The following PDPK1 variants were observed in gnomAD, a reference collection of about 807,000 sequenced individuals.
PDPK1 encodes the protein 3-phosphoinositide dependent protein kinase 1.
PDPK1 carries 7 observed loss-of-function variants against 39.8 expected under a neutral mutation model. The observed-to-expected ratio is 0.18, with a 90% confidence interval of 0.10 to 0.33. PDPK1 has a LOEUF of 0.33. Among genes scored for constraint, PDPK1 ranks in the 10% least tolerant of loss-of-function variants. The pLI is 1.00. For synonymous variants in PDPK1, 118 were observed against 159.1 expected, an observed-to-expected ratio of 0.74 and a Z score of 1.95; for missense variants, 182 against 384.7, an observed-to-expected ratio of 0.47 and a Z score of 4.41.
chr16:2,540,081 G>C (rs2066216973), intron 1 of PDPK1, among the ~76,000 whole-genome samples: 1 of 152,232 alleles, frequency 6.6e-6, no homozygotes, highest in South Asian at 2.1e-4. Context: ...CGTGTTTCCT[G>C]TCTGTAATGG....
rs1000232434 is a variant in PDPK1 at position 2,601,522 on chromosome 16, C to G, written c.*3755C>G. The G allele has an allele frequency of 4.3e-6, 1 of 234,302 alleles. No homozygotes were observed. Among genetic ancestry groups the G allele is most frequent in the Non-Finnish European group, 8.5e-6 (1 of 117,828 alleles). The allele number at this position is 234,302 out of a possible 1,614,324, so 14.5% of individuals were successfully genotyped here. A position where few individuals can be genotyped will look rare whatever the true frequency, so the allele number is the denominator to read the frequency against. On this transcript the variant is annotated 3_prime_UTR_variant, in exon 14 of 14. Transcript: ENST00000342085. ...ACTGAATTTGCATCTGCACAGTCAG[C>G]AGAGATAACAAGTGTTGAACTGACC... is the stretch of plus-strand genomic sequence containing the variant.
Position 2,602,074 on chromosome 16 carries a change from G to T in PDPK1, c.*4307G>T. On this transcript the variant is annotated 3_prime_UTR_variant, in exon 14 of 14. Coordinates refer to ENST00000342085, the MANE Select transcript of PDPK1 (RefSeq NM_002613.5). ...CTGGCTGGTTGACAGACCCGGGGTGGTCACTGCTGAGACTTCAGAGATCGC... is the reference window on the plus strand; with the variant it reads ...CTGGCTGGTTGACAGACCCGGGGTGTTCACTGCTGAGACTTCAGAGATCGC... The T allele has an allele frequency of 4.3e-6, 1 of 234,440 alleles. No individual in the cohort carries two copies. The highest frequency in any genetic ancestry group is 5.6e-5 in the Admixed American group (1 of 17,786). The allele number at this position is 234,440 out of a possible 1,614,324, so 14.5% of individuals were successfully genotyped here.
chr16:2,597,684 G>C lies in PDPK1; in HGVS notation c.1588G>C (p.Gly530Arg). The C allele has an allele frequency of 6.2e-7, 1 of 1,613,904 alleles. No individual in the cohort carries two copies. The highest frequency in any genetic ancestry group is 8.5e-7 in the Non-Finnish European group (1 of 1,179,936). Residue 530 changes from glycine (G) to arginine (R), a missense_variant, in exon 14 of 14, where the codon GGG becomes CGG. Gly to Arg is a moderately radical substitution (Grantham distance 125, BLOSUM62 -2). This residue lies in a region of PDPK1 where 67 missense variants were observed against 87.8 expected (regional missense o/e 0.76). Transcript: ENST00000342085. The surrounding 1 kb of genome is among the most constrained non-coding windows in gnomAD (Gnocchi z 6.3). ...GACGTATTATCTGATGGACCCCAGC[G>C]GGAACGCACACAAGTGGTGCAGGAA... ...NRTYYLMDPSGNAHKWCRKIQ... is the reference protein window; with the variant it reads ...NRTYYLMDPSRNAHKWCRKIQ...
intron 11 of PDPK1, 71 bp downstream of exon 11, chr16:2,586,964 G>A: frequency 7.3e-7 from 1 of 1,372,088 alleles, no homozygotes. Context: ...CTTATGGTGG[G>A]TGCCTTTGCC....
chr16:2,602,756 A>G lies in PDPK1; in HGVS notation c.*4989A>G, dbSNP rs2067243779. 4.3e-6 allele frequency: 1 copy of G among 234,602 alleles called. No individual in the cohort carries two copies. Among genetic ancestry groups the G allele is most frequent in the South Asian group, 1.8e-4 (1 of 5,536 alleles). 14.5% of individuals were successfully genotyped at this position (234,602 alleles called of 1,614,324 possible). On this transcript the variant is annotated 3_prime_UTR_variant, in exon 14 of 14. Coordinates refer to ENST00000342085, the MANE Select transcript of PDPK1 (RefSeq NM_002613.5). ...TATTCTCTACCTGGTCTGTAGCTGT[A>G]ACTGTGATGTACAGACAAAGCAAAA...
At chr16:2,587,813 CCA>C (rs1184507268) in intron 11 of PDPK1, among the ~76,000 whole-genome samples, 2 of 152,232 alleles carry the variant, frequency 1.3e-5, no homozygotes, top group Admixed American at 6.5e-5. Context: ...CAGTTTCTCT[CCA>C]GTCTCGATAC....
rs143883905 is a variant in PDPK1, at chr16:2,590,126, T to A, written c.1343+3233T>A. 4.7e-4 allele frequency among the ~76,000 whole-genome samples: 72 copies of A among 152,252 alleles called. No individual in the cohort carries two copies. The East Asian group carries it at 9.9e-3, about 21-fold the overall frequency. On this transcript the variant is annotated intron_variant, in intron 11 of 13. Coordinates refer to ENST00000342085, the MANE Select transcript of PDPK1 (RefSeq NM_002613.5). ...CCCTGGCTTCTCATCACGGATGATGTTCTTTTTTTTTTGAGGCGGAGTCTC... is the reference window on the plus strand; with the variant it reads ...CCCTGGCTTCTCATCACGGATGATGATCTTTTTTTTTTGAGGCGGAGTCTC...
chr16:2,552,417 A>G (rs2066432142), intron 1 of PDPK1, among the ~76,000 whole-genome samples: 1 of 151,726 alleles, frequency 6.6e-6, no homozygotes, highest in South Asian at 2.1e-4. Flanking sequence ...CATTTTTACA[A>G]GTTCCAATTT....
intron 10 of PDPK1, 120 bp from the exon 11 acceptor site, chr16:2,586,556 C>T (rs1389871776): frequency 1.3e-6 from 1 of 795,658 alleles, no homozygotes; most frequent in Non-Finnish European, 2.1e-6. Flanking sequence ...ACCCTGTCGC[C>T]TTGCGCCTTG....
chr16:2,540,067 A>G (rs1187396574), intron 1 of PDPK1, among the ~76,000 whole-genome samples: 2 of 152,254 alleles, frequency 1.3e-5, no homozygotes, highest in African/African-American at 2.4e-5. Context: ...ATGTGAGAAC[A>G]TGCCGTGTTT....
chr16:2,586,579 T>C, intron 10 of PDPK1, 97 bp from the exon 11 acceptor site: 1 of 1,041,556 alleles, frequency 9.6e-7, no homozygotes, highest in Non-Finnish European at 1.5e-6. Context: ...GTGTGCGAGC[T>C]CCCAAGGCCT....
chr16:2,593,644 C>T lies in PDPK1; in HGVS notation c.1344-2149C>T, dbSNP rs1351614617. On this transcript the variant is annotated intron_variant, in intron 11 of 13. Coordinates refer to ENST00000342085, the MANE Select transcript of PDPK1 (RefSeq NM_002613.5). The surrounding 1 kb of genome is among the most constrained non-coding windows in gnomAD (Gnocchi z 4.2). ...GAGGCCGTGGGGCCCTCTCCGTCCTCATCTGCCTGCAAGAGCTCTGACTGG... is the reference window on the plus strand; with the variant it reads ...GAGGCCGTGGGGCCCTCTCCGTCCTTATCTGCCTGCAAGAGCTCTGACTGG... 4 of 157,894 alleles carry T rather than the reference C, an allele frequency of 2.5e-5. No homozygotes were observed. Among genetic ancestry groups the T allele is most frequent in the African/African-American group, 7.2e-5 (3 of 41,476 alleles). 9.8% of individuals were successfully genotyped at this position (157,894 alleles called of 1,614,324 possible).
chr16:2,597,808 T>C lies in PDPK1; in HGVS notation c.*41T>C, dbSNP rs763407617. The C allele has an allele frequency of 1.9e-5, 26 of 1,405,244 alleles. No homozygotes were observed. The highest frequency in any genetic ancestry group is 2.5e-5 in the Non-Finnish European group (25 of 994,774). The allele number at this position is 1,405,244 out of a possible 1,614,324, so 87.0% of individuals were successfully genotyped here. ...GGCTGCCCTTCGCTGCCAGGACACCTGCCCCAGCGCGGCTTGGCCGCCATC... is the reference window on the plus strand; with the variant it reads ...GGCTGCCCTTCGCTGCCAGGACACCCGCCCCAGCGCGGCTTGGCCGCCATC... On this transcript the variant is annotated 3_prime_UTR_variant, in exon 14 of 14. Transcript: ENST00000342085. This position sits in a 1 kb window ranked among gnomAD's most constrained non-coding sequence, Gnocchi z 6.3.
chr16:2,589,967 C>T (rs1323812988), intron 11 of PDPK1, among the ~76,000 whole-genome samples: 1 of 152,212 alleles, frequency 6.6e-6, no homozygotes, highest in Non-Finnish European at 1.5e-5. Context: ...GTCCACAATG[C>T]AGTCGAAACT....
rs2067221043 is a variant in PDPK1 at position 2,601,768 on chromosome 16, T to C, written c.*4001T>C. On this transcript the variant is annotated 3_prime_UTR_variant, in exon 14 of 14. Coordinates refer to ENST00000342085, the MANE Select transcript of PDPK1 (RefSeq NM_002613.5). ...AGCAGCCAGGCTGGCTTTTTCATTG[T>C]AGGGCGTGGTTGTCCCAGCTGGTGT... 1 of 192,426 alleles carries C rather than the reference T, an allele frequency of 5.2e-6. No individual in the cohort carries two copies. Among genetic ancestry groups the C allele is most frequent in the African/African-American group, 2.4e-5 (1 of 42,140 alleles). 11.9% of individuals were successfully genotyped at this position (192,426 alleles called of 1,614,324 possible). A position where few individuals can be genotyped will look rare whatever the true frequency, so the allele number is the denominator to read the frequency against.
chr16:2,592,592 T>C (rs2067012179), intron 11 of PDPK1: 1 of 358,278 alleles, frequency 2.8e-6, no homozygotes, highest in African/African-American at 2.2e-5. Flanking sequence ...GGAGAATCGC[T>C]TGAACCCAGG....
rs1180933102 is a variant in PDPK1 at position 2,603,023 on chromosome 16, CTTTA to C, written c.*5259_*5262del. The C allele has an allele frequency of 4.4e-6, 1 of 226,848 alleles. No homozygotes were observed. The highest frequency in any genetic ancestry group is 2.2e-5 in the African/African-American group (1 of 44,562). 14.1% of individuals were successfully genotyped at this position (226,848 alleles called of 1,614,324 possible). ...CTATATTTTACAACTTTTTTTCTGG[CTTTA>C]TTATATAAATTTTCTATTGGGTCAG... On this transcript the variant is annotated 3_prime_UTR_variant, in exon 14 of 14. Transcript: ENST00000342085.
chr16:2,546,111 T>C (rs1187342029), intron 1 of PDPK1, among the ~76,000 whole-genome samples: 1 of 151,842 alleles, frequency 6.6e-6, no homozygotes, highest in African/African-American at 2.4e-5. Context: ...CAAGATGGAG[T>C]CTCACTCTGT....
At chr16:2,592,130 CT>C (rs1164699564) in intron 11 of PDPK1, among the ~76,000 whole-genome samples, 2 of 152,170 alleles carry the variant, frequency 1.3e-5, no homozygotes, top group Non-Finnish European at 2.9e-5. Flanking sequence ...TTGCCAGTGG[CT>C]TTGGGCTTGG....
Sources: gnomAD v4.1 joint callset for allele counts (sites outside exome capture counted in the v4.1 genomes callset) on GRCh38, gnomAD v4.1.1 for gene constraint, gnomAD v4.1.1 regional missense constraint, Gnocchi (gnomAD v3.1) non-coding constraint, MANE v1.5 for transcripts, NCBI Gene and HGNC (gene_info 2026-07-23, HGNC 2026-07-21) for gene names.